PAPPA2: variants seen among roughly 807,000 people sequenced by gnomAD.
PAPPA2 encodes pappalysin 2, also known as pappalysin-2.
Under a neutral mutation model 176.4 loss-of-function variants are expected in PAPPA2, and 86 were observed. That is an observed-to-expected ratio of 0.49 (90% CI 0.41 to 0.58). PAPPA2 has a LOEUF of 0.58. PAPPA2 is among the 20% of genes least tolerant of loss of function. The pLI is 0.00. For synonymous variants in PAPPA2, 809 were observed against 852.2 expected (o/e 0.95, Z 0.88); for missense variants, 2,073 against 2,256.9 (o/e 0.92, Z 1.65).
At position 176,699,255 on chromosome 1, in the gene PAPPA2, C is replaced by T. The variant is rs1466724483; in HGVS notation, c.2902C>T (p.Leu968=). The change falls in exon 8 of 23, where the codon CTG becomes TTG. Residue 968 remains leucine (L), a synonymous_variant. Transcript: ENST00000367662. ...QHPVQADTLT[L]WVTSFFMESS... ...CCCGGTCCAAGCCGACACCCTCACC[C>T]TGTGGGTCACTTCCTTCTTCATGGA... The T allele has an allele frequency of 6.2e-7, 1 of 1,614,046 alleles. No homozygotes were observed. The highest frequency in any genetic ancestry group is 8.5e-7 in the Non-Finnish European group (1 of 1,180,024).
intron 12 of PAPPA2, among the ~76,000 whole-genome samples, chr1:176,713,348 G>A (rs1343880445): frequency 6.6e-6 from 1 of 152,030 alleles, no homozygotes; most frequent in Non-Finnish European, 1.5e-5. Flanking sequence ...TAGAGATGGA[G>A]TCTAGAAAAG....
At chr1:176,586,139 C>T (rs898943418) in intron 2 of PAPPA2, among the ~76,000 whole-genome samples, 1 of 152,026 alleles carries the variant, frequency 6.6e-6, no homozygotes, top group Non-Finnish European at 1.5e-5. Context: ...TCACCTCTTC[C>T]AATTTTATGA....
At chr1:176,769,520 T>A in intron 15 of PAPPA2, 87 bp from the exon 16 acceptor site, 2 of 1,376,654 alleles carry the variant, frequency 1.5e-6, no homozygotes, top group Non-Finnish European at 1.0e-6. Context: ...TTTAGACAGA[T>A]AATCACCAAG....
chr1:176,720,144 C>G (rs1228476066), intron 12 of PAPPA2, among the ~76,000 whole-genome samples: 1 of 152,142 alleles, frequency 6.6e-6, no homozygotes, highest in Non-Finnish European at 1.5e-5. Context: ...CATATGGGAA[C>G]TGTGTAAACT....
chr1:176,638,226 A>G (rs573777603), intron 3 of PAPPA2, among the ~76,000 whole-genome samples: 1 of 152,050 alleles, frequency 6.6e-6, no homozygotes, highest in African/African-American at 2.4e-5. Flanking sequence ...CCTGATTTTA[A>G]GTTTGAAAAT....
chr1:176,800,242 C>A (rs1665624863), intron 21 of PAPPA2, 110 bp downstream of exon 21: 6 of 964,294 alleles, frequency 6.2e-6, no homozygotes, highest in Non-Finnish European at 9.3e-6. Context: ...ATTCCTCTGT[C>A]CTTTGTTTAA....
At chr1:176,702,873 T>G (rs1233314828) in intron 9 of PAPPA2, 138 bp downstream of exon 9, 25 of 1,210,938 alleles carry the variant, frequency 2.1e-5, no homozygotes, top group Non-Finnish European at 2.8e-5. Flanking sequence ...TTTGGAAATG[T>G]AGGGAGCAAG....
intron 2 of PAPPA2, among the ~76,000 whole-genome samples, chr1:176,583,429 A>AT (rs1388319053): frequency 2.0e-5 from 3 of 151,740 alleles, no homozygotes; most frequent in Non-Finnish European, 4.4e-5. Context: ...TTCTATTTTC[A>AT]TTTTTTTGAG....
chr1:176,712,441 A>G (rs1661189681), intron 12 of PAPPA2, among the ~76,000 whole-genome samples: 1 of 152,162 alleles, frequency 6.6e-6, no homozygotes, highest in African/African-American at 2.4e-5. Context: ...ACTTTACAGT[A>G]TGTACTCTTT....
intron 3 of PAPPA2, among the ~76,000 whole-genome samples, chr1:176,635,415 T>C (rs1656638056): frequency 6.6e-6 from 1 of 152,206 alleles, no homozygotes; most frequent in Admixed American, 6.5e-5. Flanking sequence ...GCCCTATATC[T>C]ACCCTCAAAC....
At chr1:176,809,192 T>G (rs1666037275) in intron 21 of PAPPA2, among the ~76,000 whole-genome samples, 1 of 152,196 alleles carries the variant, frequency 6.6e-6, no homozygotes, top group Admixed American at 6.5e-5. Flanking sequence ...CTCCATGGAT[T>G]TAAATGTGTT....
At chr1:176,630,945 AAT>A (rs1656302901) in intron 3 of PAPPA2, among the ~76,000 whole-genome samples, 1 of 152,206 alleles carries the variant, frequency 6.6e-6, no homozygotes, top group African/African-American at 2.4e-5. Flanking sequence ...GTCGATCAGG[AAT>A]ATGTCATCAG....
chr1:176,663,992 A>G (rs1346357988), intron 3 of PAPPA2, among the ~76,000 whole-genome samples: 1 of 152,132 alleles, frequency 6.6e-6, no homozygotes, highest in African/African-American at 2.4e-5. Context: ...GAGTGGTGAA[A>G]TACACTCTTT....
At chr1:176,537,476 C>T (rs1650126886) in intron 1 of PAPPA2, 1 of 152,214 alleles carries the variant, frequency 6.6e-6, no homozygotes, top group Non-Finnish European at 1.5e-5. Context: ...AATGGGTCCT[C>T]TGAAGACAAC....
At chr1:176,667,713 T>C (rs1309669673) in intron 3 of PAPPA2, among the ~76,000 whole-genome samples, 1 of 152,130 alleles carries the variant, frequency 6.6e-6, no homozygotes, top group East Asian at 1.9e-4. Flanking sequence ...ATCCATCCTT[T>C]ATGTCTTGTT....
At chr1:176,792,848 C>G (rs1366158870) in intron 19 of PAPPA2, among the ~76,000 whole-genome samples, 1 of 152,084 alleles carries the variant, frequency 6.6e-6, no homozygotes, top group Non-Finnish European at 1.5e-5. Flanking sequence ...AGTGTATTTT[C>G]TCTTAATATA....
chr1:176,503,450 T>G (rs1412791873), intron 1 of PAPPA2, among the ~76,000 whole-genome samples: 1 of 152,168 alleles, frequency 6.6e-6, no homozygotes, highest in Non-Finnish European at 1.5e-5. Flanking sequence ...ACACAACATA[T>G]TTACAGATTC....
intron 1 of PAPPA2, among the ~76,000 whole-genome samples, chr1:176,494,162 C>T (rs1267765247): frequency 2.0e-5 from 3 of 152,134 alleles, no homozygotes; most frequent in Non-Finnish European, 4.4e-5. Flanking sequence ...CTTAATTCAC[C>T]GATCATCTAA....
chr1:176,748,939 A>G (rs2102884408), intron 14 of PAPPA2, among the ~76,000 whole-genome samples: 1 of 152,318 alleles, frequency 6.6e-6, no homozygotes, highest in East Asian at 1.9e-4. Flanking sequence ...ATGTATCCCA[A>G]TGTTAAGTGA....
Sources: allele counts gnomAD v4.1 joint callset (sites outside exome capture counted in the v4.1 genomes callset), GRCh38; gene constraint gnomAD v4.1.1; transcripts MANE v1.5; gene names NCBI Gene and HGNC (gene_info 2026-07-23, HGNC 2026-07-21).